Variants in KIFAP3 observed in about 807,000 individuals in gnomAD.
KIFAP3 encodes kinesin-associated protein 3.
A neutral mutation model predicts 106.5 loss-of-function variants in KIFAP3; 68 were observed. That is an observed-to-expected ratio of 0.64 (90% confidence interval 0.53 to 0.78). KIFAP3 has a LOEUF of 0.78. KIFAP3 is among the 30% of genes least tolerant of loss of function. The pLI is 0.00. For synonymous variants in KIFAP3, 320 were observed against 311.5 expected, an observed-to-expected ratio of 1.03 and a Z score of -0.29; for missense variants, 780 against 941.8, an observed-to-expected ratio of 0.83 and a Z score of 2.25.
At chr1:170,052,672 G>A (rs1201741935) in intron 2 of KIFAP3, among the ~76,000 whole-genome samples, 6 of 152,170 alleles carry the variant, frequency 3.9e-5, no homozygotes, top group Non-Finnish European at 7.3e-5. Context: ...TCCCTGGGAC[G>A]CAAGGCTGGT....
chr1:169,983,955 T>C (rs1270147223), intron 12 of KIFAP3, among the ~76,000 whole-genome samples: 4 of 151,742 alleles, frequency 2.6e-5, no homozygotes, highest in Non-Finnish European at 4.4e-5. Context: ...CAAATATGCT[T>C]TATAAAAACA....
chr1:170,083,609 T>A (rs1571786161), intron 1 of KIFAP3, among the ~76,000 whole-genome samples: 1 of 152,314 alleles, frequency 6.6e-6, no homozygotes, highest in African/African-American at 2.4e-5. Context: ...TTTGTACCAG[T>A]GTATTTATCA....
intron 1 of KIFAP3, among the ~76,000 whole-genome samples, chr1:170,073,833 T>C (rs1326162803): frequency 6.6e-6 from 1 of 152,148 alleles, no homozygotes; most frequent in East Asian, 1.9e-4. Context: ...TTTATTGTCA[T>C]CAAACTTCTG....
At chr1:170,013,265 T>C (rs138463513) in intron 10 of KIFAP3, among the ~76,000 whole-genome samples, 1 of 152,116 alleles carries the variant, frequency 6.6e-6, no homozygotes, top group Non-Finnish European at 1.5e-5. Context: ...TAACTGTGTA[T>C]GAAATGATTA....
intron 5 of KIFAP3, among the ~76,000 whole-genome samples, chr1:170,037,987 T>C (rs563357291): frequency 3.5e-4 from 53 of 152,262 alleles, no homozygotes; most frequent in African/African-American, 1.3e-3. Flanking sequence ...TTTAATTTAA[T>C]AAAACATGAT....
intron 10 of KIFAP3, among the ~76,000 whole-genome samples, chr1:169,999,803 T>C (rs1270947449): frequency 4.6e-5 from 7 of 152,184 alleles, no homozygotes; most frequent in Non-Finnish European, 1.0e-4. Flanking sequence ...GTTAATGCCT[T>C]AACAAACTGG....
intron 9 of KIFAP3, among the ~76,000 whole-genome samples, chr1:170,022,862 ATC>A (rs1668918878): frequency 6.6e-6 from 1 of 152,118 alleles, no homozygotes; most frequent in Non-Finnish European, 1.5e-5. Context: ...AATAGTCAAG[ATC>A]TTTTTGATAG....
intron 2 of KIFAP3, among the ~76,000 whole-genome samples, chr1:170,047,560 G>A (rs1343321414): frequency 6.9e-6 from 1 of 145,842 alleles, no homozygotes; most frequent in Middle Eastern, 3.7e-3. Context: ...GGCAGAGGTT[G>A]CAGTGAGCTG....
At chr1:169,949,331 C>A (rs1415552) in intron 19 of KIFAP3, among the ~76,000 whole-genome samples, 1 of 151,786 alleles carries the variant, frequency 6.6e-6, no homozygotes, top group African/African-American at 2.4e-5. Flanking sequence ...TGTCTTTGAC[C>A]CCACTGAAAT....
chr1:170,070,475 G>A (rs1437303216), intron 1 of KIFAP3, among the ~76,000 whole-genome samples: 2 of 152,002 alleles, frequency 1.3e-5, no homozygotes, highest in Non-Finnish European at 2.9e-5. Context: ...ATAATTGAGA[G>A]TGCAGGAATA....
chr1:169,969,090 G>C (rs1228011151), intron 17 of KIFAP3, among the ~76,000 whole-genome samples: 2 of 151,906 alleles, frequency 1.3e-5, no homozygotes, highest in Non-Finnish European at 2.9e-5. Flanking sequence ...TGCAAAACAA[G>C]CAAGAACCAG....
At chr1:169,960,934 C>T in intron 18 of KIFAP3, 112 bp downstream of exon 18, 30 of 675,602 alleles carry the variant, frequency 4.4e-5, no homozygotes, top group South Asian at 1.3e-4. Context: ...ATTAGCAGAC[C>T]ATTCATAAAC....
intron 17 of KIFAP3, among the ~76,000 whole-genome samples, chr1:169,963,835 G>A (rs1164470021): frequency 6.6e-6 from 1 of 151,988 alleles, no homozygotes; most frequent in Non-Finnish European, 1.5e-5. Context: ...ATTTCTATTA[G>A]TCATCAATCT....
chr1:169,982,327 G>A (rs1238531828), intron 14 of KIFAP3, among the ~76,000 whole-genome samples: 1 of 152,080 alleles, frequency 6.6e-6, no homozygotes, highest in Non-Finnish European at 1.5e-5. Flanking sequence ...GCCTTTGAGA[G>A]TACAACTGAA....
chr1:170,077,504 A>T (rs886559683), upstream of KIFAP3, among the ~76,000 whole-genome samples: 1 of 152,380 alleles, frequency 6.6e-6, no homozygotes, highest in Middle Eastern at 3.4e-3. Context: ...TGAATATTAG[A>T]AACATGATAC....
chr1:169,951,525 TA>T lies in KIFAP3; in HGVS notation c.2273+2485del, dbSNP rs560113075. ...GTAAAAGGATTTTCCCAAAGTCATG[TA>T]AAAAAATCTTATTAACAGAATGGAG... On this transcript the variant is annotated intron_variant, in intron 19 of 19. Coordinates refer to ENST00000361580, the MANE Select transcript of KIFAP3 (RefSeq NM_014970.4). Among the ~76,000 whole-genome samples, 12 of 151,944 alleles carry T rather than the reference TA, an allele frequency of 7.9e-5. 1 individual carries two copies. The East Asian group carries it at 2.3e-3, about 29-fold the overall frequency.
chr1:170,019,983 T>G (rs899014898), intron 9 of KIFAP3, among the ~76,000 whole-genome samples: 12 of 152,320 alleles, frequency 7.9e-5, no homozygotes, highest in African/African-American at 2.9e-4. Flanking sequence ...GTTTAGAAAG[T>G]CACAGGACAT....
chr1:170,043,478 G>A (rs1040026685), intron 3 of KIFAP3, among the ~76,000 whole-genome samples: 1 of 152,122 alleles, frequency 6.6e-6, no homozygotes, highest in African/African-American at 2.4e-5. Flanking sequence ...AGCTAATGTG[G>A]TTTGTATGCA....
chr1:170,039,658 G>T (rs1389070836), intron 3 of KIFAP3, among the ~76,000 whole-genome samples: 1 of 150,880 alleles, frequency 6.6e-6, no homozygotes, highest in Non-Finnish European at 1.5e-5. Flanking sequence ...ATAAGGCAAA[G>T]AAAAAAGTAC....
Sources: gnomAD v4.1 joint callset for allele counts (sites outside exome capture counted in the v4.1 genomes callset) on GRCh38, gnomAD v4.1.1 for gene constraint, MANE v1.5 for transcripts, NCBI Gene and HGNC (gene_info 2026-07-23, HGNC 2026-07-21) for gene names.